Variants in EIPR1 observed in about 807,000 individuals in gnomAD.
EIPR1 encodes the protein EARP complex and GARP complex interacting protein 1, also known as EARP and GARP complex-interacting protein 1.
A neutral mutation model predicts 48.1 loss-of-function variants in EIPR1; 25 were observed. The observed-to-expected ratio is 0.52, with a 90% confidence interval of 0.38 to 0.73. EIPR1 has a LOEUF of 0.73. Ranked by LOEUF, EIPR1 falls within the 30% of genes least tolerant of loss-of-function variation. EIPR1 has a pLI of 0.00. For synonymous variants in EIPR1, 204 were observed against 201.9 expected (o/e 1.01, Z -0.09); for missense variants, 415 against 506.2 (o/e 0.82, Z 1.73).
At chr2:3,302,915 TCAG>T (rs1408822007) in intron 3 of EIPR1, among the ~76,000 whole-genome samples, 1 of 152,074 alleles carries the variant, frequency 6.6e-6, no homozygotes, top group Non-Finnish European at 1.5e-5. Flanking sequence ...AGGGCCAAGG[TCAG>T]CAGGAGGGAG....
intron 4 of EIPR1, among the ~76,000 whole-genome samples, chr2:3,248,951 T>G (rs969219592): frequency 6.6e-6 from 1 of 152,184 alleles, no homozygotes; most frequent in Non-Finnish European, 1.5e-5. Context: ...CCTGTGGAAC[T>G]GTGAGCCAAA....
chr2:3,255,830 T>C (rs201035454), intron 4 of EIPR1, among the ~76,000 whole-genome samples: 2 of 8,372 alleles, frequency 2.4e-4, no homozygotes, highest in Non-Finnish European at 2.7e-3. Context: ...TGTGCACACA[T>C]ACGTGTGCAC....
chr2:3,338,083 C>T lies in EIPR1; in HGVS notation c.193G>A (p.Gly65Ser), dbSNP rs1670121361. The T allele has an allele frequency of 6.2e-7, 1 of 1,612,996 alleles. No individual in the cohort carries two copies. Among genetic ancestry groups the T allele is most frequent in the Admixed American group, 1.7e-5 (1 of 59,610 alleles). ...INKNVLLHQA[G>S]EIWHISASPA... ...CTAGCGCTAATATGCCAGATTTCACCCGCTTGATGGAGGAGGACATTTTTA... is the reference window on the plus strand; with the variant it reads ...CTAGCGCTAATATGCCAGATTTCACTCGCTTGATGGAGGAGGACATTTTTA... Residue 65 changes from glycine (G) to serine (S), a missense_variant, in exon 3 of 9, where the codon GGT (glycine) becomes AGT (serine). Transcript: ENST00000382125.
chr2:3,287,935 G>A (rs147400941), intron 3 of EIPR1, among the ~76,000 whole-genome samples: 100 of 152,242 alleles, frequency 6.6e-4, no homozygotes, highest in African/African-American at 2.3e-3. Context: ...GGCCAAGGTC[G>A]TGTGCAGAGG....
chr2:3,347,412 A>T (rs1178039072), intron 2 of EIPR1, among the ~76,000 whole-genome samples: 1 of 152,248 alleles, frequency 6.6e-6, no homozygotes, highest in Non-Finnish European at 1.5e-5. Context: ...AAGTCTCATG[A>T]GATCTGATGG....
chr2:3,373,431 T>A (rs1007774032), intron 1 of EIPR1, among the ~76,000 whole-genome samples: 5 of 152,164 alleles, frequency 3.3e-5, no homozygotes, highest in African/African-American at 1.2e-4. Flanking sequence ...AAAGAGGAAG[T>A]CAAATTGTCC....
intron 4 of EIPR1, among the ~76,000 whole-genome samples, chr2:3,235,445 C>CGT (rs1666375281): frequency 1.5e-4 from 4 of 27,432 alleles, no homozygotes; most frequent in East Asian, 2.8e-3. Flanking sequence ...CACACGCGTG[C>CGT]GCGCACACAC....
At chr2:3,372,116 C>G (rs909451296) in intron 1 of EIPR1, among the ~76,000 whole-genome samples, 13 of 151,374 alleles carry the variant, frequency 8.6e-5, no homozygotes, top group African/African-American at 2.9e-4. Context: ...ACTGAACAAC[C>G]TGCTCCTGAA....
chr2:3,360,451 T>C (rs552374742), intron 1 of EIPR1, among the ~76,000 whole-genome samples: 1 of 151,178 alleles, frequency 6.6e-6, no homozygotes, highest in East Asian at 1.9e-4. Flanking sequence ...GGCATTTTTC[T>C]CACAAAGCCA....
At chr2:3,326,600 C>T (rs535260755) in intron 3 of EIPR1, among the ~76,000 whole-genome samples, 1 of 152,328 alleles carries the variant, frequency 6.6e-6, no homozygotes, top group African/African-American at 2.4e-5. Flanking sequence ...GCTAAGTTCT[C>T]ATGTCCAGGG....
intron 5 of EIPR1, chr2:3,208,362 A>C: frequency 8.6e-7 from 1 of 1,165,620 alleles, no homozygotes; most frequent in Non-Finnish European, 1.2e-6. Context: ...CCCGGGTGGG[A>C]CTCATTTATA....
At chr2:3,287,887 C>CACCAT (rs1553295136) in intron 3 of EIPR1, among the ~76,000 whole-genome samples, 1 of 152,230 alleles carries the variant, frequency 6.6e-6, no homozygotes, top group Admixed American at 6.5e-5. Context: ...AAAGCTCATT[C>CACCAT]GGCATGCTGT....
At chr2:3,279,842 C>T (rs753057643) in intron 3 of EIPR1, among the ~76,000 whole-genome samples, 11 of 152,202 alleles carry the variant, frequency 7.2e-5, no homozygotes, top group Admixed American at 2.6e-4. Context: ...ACATGCCAAA[C>T]GATTCACTGG....
At position 3,290,805 on chromosome 2, in the gene EIPR1, G is replaced by A. The variant is rs186567750; in HGVS notation, c.260-33350C>T. Among the ~76,000 whole-genome samples, 18 of 152,294 alleles carry A rather than the reference G, an allele frequency of 1.2e-4. No individual in the cohort carries two copies. The East Asian group carries it at 2.9e-3, about 24-fold the overall frequency. On this transcript the variant is annotated intron_variant, in intron 3 of 8. Coordinates refer to ENST00000382125, the MANE Select transcript of EIPR1 (RefSeq NM_003310.5). ...ACCGTCGGTCATCTGGGTCTTTCGC[G>A]AATCAACCAGCACTAATTGCCATCA...
At chr2:3,367,067 T>C (rs1240159241) in intron 1 of EIPR1, among the ~76,000 whole-genome samples, 2 of 117,676 alleles carry the variant, frequency 1.7e-5, no homozygotes, top group African/African-American at 6.5e-5. Flanking sequence ...AAAATAAAAA[T>C]AAATTAAAAA....
intron 2 of EIPR1, among the ~76,000 whole-genome samples, chr2:3,346,897 G>T (rs1007939502): frequency 1.2e-4 from 18 of 152,160 alleles, no homozygotes; most frequent in Non-Finnish European, 5.9e-5. Flanking sequence ...TGTCCCTTTC[G>T]AAATCTCATG....
chr2:3,191,502 G>T (rs1664605350), intron 8 of EIPR1, among the ~76,000 whole-genome samples: 1 of 152,260 alleles, frequency 6.6e-6, no homozygotes. Flanking sequence ...CCAAGCTCAG[G>T]TGGGTAGGGG....
At chr2:3,230,364 T>C (rs1666204329) in intron 4 of EIPR1, among the ~76,000 whole-genome samples, 1 of 152,204 alleles carries the variant, frequency 6.6e-6, no homozygotes, top group Non-Finnish European at 1.5e-5. Context: ...TGGGGAAATC[T>C]GTGCGTGTGC....
intron 2 of EIPR1, among the ~76,000 whole-genome samples, chr2:3,352,032 C>T (rs536467441): frequency 2.0e-5 from 3 of 146,752 alleles, no homozygotes; most frequent in South Asian, 2.2e-4. Context: ...CTGTCTGTTC[C>T]GGACACCTTT....
Sources: allele counts gnomAD v4.1 joint callset (sites outside exome capture counted in the v4.1 genomes callset), GRCh38; gene constraint gnomAD v4.1.1; transcripts MANE v1.5; gene names NCBI Gene and HGNC (gene_info 2026-07-23, HGNC 2026-07-21).